Variants in CIST1 observed in about 807,000 individuals in gnomAD.
The protein encoded by CIST1 is colon, intestine and stomach enriched 1.
chr19:18,250,766 C>T, the CIST1 span, among the ~76,000 whole-genome samples: 2 of 150,040 alleles, frequency 1.3e-5, no homozygotes, highest in African/African-American at 5.0e-5. Context: ...ACCACCATGC[C>T]TGGACAATTT....
chr19:18,253,475 C>G, the CIST1 span, among the ~76,000 whole-genome samples: 1 of 151,584 alleles, frequency 6.6e-6, no homozygotes, highest in Non-Finnish European at 1.5e-5. Context: ...CGCTTGAGTC[C>G]AGGAGTTCAA....
chr19:18,254,036 G>A, the CIST1 span, among the ~76,000 whole-genome samples: 1 of 152,190 alleles, frequency 6.6e-6, no homozygotes, highest in Non-Finnish European at 1.5e-5. Flanking sequence ...GGGTCCACAT[G>A]CCACCCTCCC....
the CIST1 span, among the ~76,000 whole-genome samples, chr19:18,251,136 T>TC: frequency 2.7e-4 from 35 of 130,332 alleles, no homozygotes; most frequent in Admixed American, 1.1e-3. Context: ...GTCTTTTTTT[T>TC]CCCCCCCGAG....
At chr19:18,252,851 C>T in the CIST1 span, among the ~76,000 whole-genome samples, 8 of 152,234 alleles carry the variant, frequency 5.3e-5, no homozygotes, top group African/African-American at 7.2e-5. Context: ...AGATGATCCA[C>T]CTGCCTTGGC....
chr19:18,252,404 G>A, the CIST1 span: 1 of 399,128 alleles, frequency 2.5e-6, no homozygotes, highest in Non-Finnish European at 4.4e-6. Flanking sequence ...GGGTGCTGTG[G>A]GCGAAGGGAG....
the CIST1 span, chr19:18,252,083 G>GGTCT: frequency 2.5e-6 from 1 of 398,900 alleles, no homozygotes; most frequent in Non-Finnish European, 4.4e-6. Flanking sequence ...GGGGCTCCAA[G>GGTCT]GTCTGGTCAG....
the CIST1 span, among the ~76,000 whole-genome samples, chr19:18,250,773 ATT>A: frequency 0.026 from 3,201 of 124,488 alleles, 110 homozygotes; most frequent in African/African-American, 0.088. Flanking sequence ...TGCCTGGACA[ATT>A]TTTTTTTTTT....
the CIST1 span, among the ~76,000 whole-genome samples, chr19:18,252,649 G>A: frequency 4.7e-5 from 7 of 148,858 alleles, no homozygotes; most frequent in Non-Finnish European, 8.9e-5. Context: ...ATGGCGTCTC[G>A]CTCTGTCACC....
the CIST1 span, chr19:18,250,452 G>A: frequency 4.3e-5 from 17 of 398,956 alleles, no homozygotes; most frequent in Non-Finnish European, 6.6e-5. Flanking sequence ...TGTAACTCAC[G>A]GGGCCCAGTG....
chr19:18,253,426 G>T, the CIST1 span, among the ~76,000 whole-genome samples: 2 of 152,042 alleles, frequency 1.3e-5, no homozygotes, highest in Non-Finnish European at 2.9e-5. Flanking sequence ...GGTGGTGCAT[G>T]CCTAGTCCCA....
the CIST1 span, among the ~76,000 whole-genome samples, chr19:18,251,322 C>T: frequency 6.6e-6 from 1 of 151,678 alleles, no homozygotes; most frequent in African/African-American, 2.4e-5. Flanking sequence ...GACGGGGTTT[C>T]ACCATGTTGG....
the CIST1 span, among the ~76,000 whole-genome samples, chr19:18,251,516 C>T: frequency 2.6e-5 from 4 of 152,010 alleles, no homozygotes; most frequent in African/African-American, 9.7e-5. Context: ...CTCACTGCAA[C>T]CTCTGCCGCC....
the CIST1 span, chr19:18,255,095 C>T: frequency 5.3e-5 from 21 of 394,046 alleles, no homozygotes; most frequent in Non-Finnish European, 9.4e-5. The surrounding 1 kb of genome is among the most constrained non-coding windows in gnomAD (Gnocchi z 4.6). Context: ...CAGCCTTCCT[C>T]GGAGGGTTGG....
the CIST1 span, among the ~76,000 whole-genome samples, chr19:18,254,873 C>T: frequency 1.3e-5 from 2 of 152,074 alleles, no homozygotes; most frequent in Non-Finnish European, 2.9e-5. Flanking sequence ...TCCCTGGAAC[C>T]CCCATGGCCC....
the CIST1 span, among the ~76,000 whole-genome samples, chr19:18,254,407 A>C: frequency 6.6e-6 from 1 of 152,192 alleles, no homozygotes; most frequent in Admixed American, 6.5e-5. Context: ...GAGCTGCTGA[A>C]GGGTTGACCA....
chr19:18,250,603 C>T, the CIST1 span: 1 of 396,050 alleles, frequency 2.5e-6, no homozygotes. Flanking sequence ...TTGAGGCTGC[C>T]ACTTTTTAAT....
the CIST1 span, among the ~76,000 whole-genome samples, chr19:18,254,066 C>G: frequency 6.6e-6 from 1 of 152,204 alleles, no homozygotes; most frequent in Non-Finnish European, 1.5e-5. Flanking sequence ...ATGTAGCCCC[C>G]CAGGCCCTGT....
Sources: gnomAD v4.1 joint callset for allele counts (sites outside exome capture counted in the v4.1 genomes callset) on GRCh38, gnomAD v4.1.1 for gene constraint, Gnocchi (gnomAD v3.1) non-coding constraint, MANE v1.5 for transcripts, NCBI Gene and HGNC (gene_info 2026-07-23, HGNC 2026-07-21) for gene names.